The following ASAP2 variants were observed in gnomAD, a reference collection of about 807,000 sequenced individuals.
ASAP2 encodes ArfGAP with SH3 domain, ankyrin repeat and PH domain 2, also known as arf-GAP with SH3 domain, ANK repeat and PH domain-containing protein 2.
ASAP2 carries 45 observed loss-of-function variants against 131.4 expected under a neutral mutation model. The observed-to-expected ratio is 0.34, with a 90% CI of 0.27 to 0.44. ASAP2 has a LOEUF of 0.44. Among genes scored for constraint, ASAP2 ranks in the 20% least tolerant of loss-of-function variants. The probability of loss-of-function intolerance (pLI) is 1.00; values close to 1 mark genes in which losing one functional copy is unlikely to be tolerated. For synonymous variants in ASAP2, 510 were observed against 503.0 expected (o/e 1.01, Z -0.19); for missense variants, 1,011 against 1,297.0 (o/e 0.78, Z 3.39).
chr2:9,271,241 A>G, intron 1 of ASAP2: 1 of 687,796 alleles, frequency 1.5e-6, no homozygotes, highest in Non-Finnish European at 2.7e-6. Context: ...AATTCTACTC[A>G]TTGCAAGGAA....
chr2:9,398,687 T>C (rs1048271311), intron 24 of ASAP2, among the ~76,000 whole-genome samples: 2 of 151,882 alleles, frequency 1.3e-5, no homozygotes, highest in Non-Finnish European at 2.9e-5. Flanking sequence ...TGCACACCTG[T>C]AATTCCAGCT....
Position 9,404,610 on chromosome 2 carries a change from T to C in ASAP2, c.*1283T>C, listed in dbSNP as rs1677039426. On this transcript the variant is annotated 3_prime_UTR_variant, in exon 28 of 28. Coordinates refer to ENST00000281419, the MANE Select transcript of ASAP2 (RefSeq NM_003887.3). ...GGCATATGATACCCACTTGGACTTTTAACAAAAGTAAAGGAATAAATTTGC... is the reference window on the plus strand; with the variant it reads ...GGCATATGATACCCACTTGGACTTTCAACAAAAGTAAAGGAATAAATTTGC... The C allele has an allele frequency of 6.6e-6, 1 of 152,570 alleles. No homozygotes were observed. Among genetic ancestry groups the C allele is most frequent in the Non-Finnish European group, 1.5e-5 (1 of 68,046 alleles). 9.5% of individuals were successfully genotyped at this position (152,570 alleles called of 1,614,324 possible).
intron 1 of ASAP2, 147 bp from the exon 2 acceptor site, chr2:9,279,170 G>A (rs1435199089): frequency 7.2e-6 from 5 of 696,984 alleles, no homozygotes; most frequent in East Asian, 5.3e-5. Flanking sequence ...AACAGGTGCC[G>A]AGGGACCTGG....
At chr2:9,262,728 G>A (rs1006098521) in intron 1 of ASAP2, among the ~76,000 whole-genome samples, 6 of 152,184 alleles carry the variant, frequency 3.9e-5, no homozygotes, top group South Asian at 2.1e-4. Flanking sequence ...AAATGTGACC[G>A]CTAGTGGACA....
In ASAP2 at chr2:9,374,782, C is replaced by T. The variant is rs760431902; in HGVS notation, c.1584C>T (p.Ala528=). 1.5e-5 allele frequency: 24 copies of T among 1,609,864 alleles called. No homozygotes were observed. The South Asian group carries it at 2.7e-4, about 18-fold the overall frequency. ...DMNARKDYIT[A]KYIERRYARK... is the part of the protein sequence containing the mutation. ...ATGCAAGAAAGGACTACATCACAGCCAAGTACATCGAGAGGAGATACGCAA... is the reference window on the plus strand; with the variant it reads ...ATGCAAGAAAGGACTACATCACAGCTAAGTACATCGAGAGGAGATACGCAA... The change falls in exon 17 of 28, where the codon GCC becomes GCT. Residue 528 remains alanine, a synonymous_variant. Transcript: ENST00000281419.
In ASAP2 at chr2:9,268,851, G is replaced by A. The variant is rs1380059051; in HGVS notation, c.127-10466G>A. ...GCTGCAGGCCTCTGCTCTCCCCAGG[G>A]CAGCATCTTCGGGTTCTAAGAAGGA... On this transcript the variant is annotated intron_variant, in intron 1 of 27. Transcript: ENST00000281419. The surrounding 1 kb of genome is among the most constrained non-coding windows in gnomAD (Gnocchi z 4.1). Among the ~76,000 whole-genome samples the A allele has an allele frequency of 6.6e-6, 1 of 152,196 alleles. No individual in the cohort carries two copies. The highest frequency in any genetic ancestry group is 1.5e-5 in the Non-Finnish European group (1 of 68,044).
chr2:9,302,283 C>T (rs1392428478), intron 3 of ASAP2, among the ~76,000 whole-genome samples: 2 of 145,912 alleles, frequency 1.4e-5, no homozygotes, highest in Non-Finnish European at 3.0e-5. Flanking sequence ...AGCGATCCTT[C>T]TGCCTCAGCC....
At position 9,392,254 on chromosome 2, in the gene ASAP2, A is replaced by C. The variant is rs1400414033; in HGVS notation, c.2518+1058A>C. On this transcript the variant is annotated intron_variant, in intron 23 of 27. Transcript: ENST00000281419. The surrounding 1 kb of genome is among the most constrained non-coding windows in gnomAD (Gnocchi z 4.0). ...TTAGGAAGAAGTTTTTCTCCAGTGT[A>C]CAGAACTAAAGTCTTTTTTCACTGG... is the stretch of plus-strand genomic sequence containing the variant. 6.6e-6 allele frequency among the ~76,000 whole-genome samples: 1 copy of C among 152,234 alleles called. No individual in the cohort carries two copies. Among genetic ancestry groups the C allele is most frequent in the African/African-American group, 2.4e-5 (1 of 41,464 alleles).
At chr2:9,375,801 G>C (rs992765669) in intron 17 of ASAP2, among the ~76,000 whole-genome samples, 1 of 152,240 alleles carries the variant, frequency 6.6e-6, no homozygotes, top group Non-Finnish European at 1.5e-5. Context: ...TTTAACCTGA[G>C]CTTCATGCTA....
intron 2 of ASAP2, among the ~76,000 whole-genome samples, chr2:9,291,301 T>C (rs1171186083): frequency 1.3e-5 from 2 of 152,234 alleles, no homozygotes; most frequent in African/African-American, 2.4e-5. Flanking sequence ...AATGAAAATA[T>C]GTTTTCAGCC....
At chr2:9,383,549 C>G (rs116022440) in intron 20 of ASAP2, among the ~76,000 whole-genome samples, 2,473 of 152,200 alleles carry the variant, frequency 0.016, 53 homozygotes, top group African/African-American at 0.056. Context: ...GTGAGCCACT[C>G]CACTGGATGG....
chr2:9,280,933 G>A (rs1373441327), intron 2 of ASAP2, among the ~76,000 whole-genome samples: 1 of 152,190 alleles, frequency 6.6e-6, no homozygotes, highest in African/African-American at 2.4e-5. Flanking sequence ...TTCCCAAGAT[G>A]TCTGTGCAGC....
intron 12 of ASAP2, among the ~76,000 whole-genome samples, chr2:9,351,378 T>A (rs1371772205): frequency 6.6e-6 from 1 of 152,262 alleles, no homozygotes; most frequent in African/African-American, 2.4e-5. Context: ...TCTGCTTCTC[T>A]GTGCTTTTCC....
intron 7 of ASAP2, among the ~76,000 whole-genome samples, chr2:9,333,716 C>G (rs1670991463): frequency 6.6e-6 from 1 of 152,160 alleles, no homozygotes; most frequent in Admixed American, 6.5e-5. Flanking sequence ...CAGGTTAGAA[C>G]TTTCTCCTTA....
At chr2:9,328,658 C>CT (rs1448012294) in intron 7 of ASAP2, among the ~76,000 whole-genome samples, 1 of 152,206 alleles carries the variant, frequency 6.6e-6, no homozygotes, top group East Asian at 1.9e-4. Flanking sequence ...TGTGTCAGTA[C>CT]TTCAGTCTGA....
rs1677104706 is a variant in ASAP2, at chr2:9,405,122, C to G, written c.*1795C>G. 1 of 152,332 alleles carries G rather than the reference C, an allele frequency of 6.6e-6. No homozygotes were observed. The highest frequency in any genetic ancestry group is 2.1e-4 in the South Asian group (1 of 4,824). 9.4% of individuals were successfully genotyped at this position (152,332 alleles called of 1,614,324 possible). A position where few individuals can be genotyped will look rare whatever the true frequency, so the allele number is the denominator to read the frequency against. On this transcript the variant is annotated 3_prime_UTR_variant, in exon 28 of 28. Transcript: ENST00000281419. ...ATTAGAACTCCAGTCCCAAACTAAT[C>G]TGTCAGGTTCACTGGTACATAAATA...
At chr2:9,290,229 A>T (rs1667727008) in intron 2 of ASAP2, among the ~76,000 whole-genome samples, 1 of 152,090 alleles carries the variant, frequency 6.6e-6, no homozygotes, top group South Asian at 2.1e-4. Flanking sequence ...TTCTTTTGAG[A>T]TGGAGTCTCG....
At chr2:9,348,919 G>A (rs529140901) in intron 11 of ASAP2, among the ~76,000 whole-genome samples, 98 of 152,212 alleles carry the variant, frequency 6.4e-4, no homozygotes, top group African/African-American at 1.8e-3. Context: ...TACCCACGTC[G>A]AGGACAGGGA....
chr2:9,335,082 T>C lies in ASAP2; in HGVS notation c.763-11T>C. 1 of 1,613,136 alleles carries C rather than the reference T, an allele frequency of 6.2e-7. No homozygotes were observed. Among genetic ancestry groups the C allele is most frequent in the Non-Finnish European group, 8.5e-7 (1 of 1,179,112 alleles). ...TCTGATTGGTTCTGTTGTGTGTGTGTGTTTTTAAAGATCAAACAGGCCCAG... is the reference window on the plus strand; with the variant it reads ...TCTGATTGGTTCTGTTGTGTGTGTGCGTTTTTAAAGATCAAACAGGCCCAG... On this transcript the variant is annotated splice_polypyrimidine_tract_variant and intron_variant, in intron 8 of 27. Coordinates refer to ENST00000281419, the MANE Select transcript of ASAP2 (RefSeq NM_003887.3).
Sources: allele counts gnomAD v4.1 joint callset (sites outside exome capture counted in the v4.1 genomes callset), GRCh38; gene constraint gnomAD v4.1.1; non-coding constraint Gnocchi (gnomAD v3.1); transcripts MANE v1.5; gene names NCBI Gene and HGNC (gene_info 2026-07-23, HGNC 2026-07-21).